KCNH1: variants seen among roughly 807,000 people sequenced by gnomAD.
KCNH1 encodes voltage-gated delayed rectifier potassium channel KCNH1.
KCNH1 carries 27 observed loss-of-function variants against 69.2 expected under a neutral mutation model. The ratio of observed to expected loss-of-function variants is 0.39; its 90% CI spans 0.29 to 0.54. The LOEUF (loss-of-function observed/expected upper bound fraction) is 0.54, where lower values mean the gene tolerates loss of function less well. Ranked by LOEUF, KCNH1 falls within the 20% of genes least tolerant of loss-of-function variation. KCNH1 has a pLI of 0.68. For synonymous variants in KCNH1, 456 were observed against 487.7 expected, an observed-to-expected ratio of 0.93 and a Z score of 0.86; for missense variants, 798 against 1,261.6, an observed-to-expected ratio of 0.63 and a Z score of 5.57.
chr1:210,974,532 A>G (rs964404425), intron 6 of KCNH1, among the ~76,000 whole-genome samples: 3 of 150,870 alleles, frequency 2.0e-5, no homozygotes, highest in Non-Finnish European at 4.4e-5. Context: ...ACTAGTCTCA[A>G]AGATAGAATT....
At chr1:211,030,724 AG>A (rs1200342353) in intron 5 of KCNH1, among the ~76,000 whole-genome samples, 3 of 152,190 alleles carry the variant, frequency 2.0e-5, no homozygotes, top group Non-Finnish European at 2.9e-5. Flanking sequence ...TGACACCAAA[AG>A]CATAATCCAT....
chr1:211,000,585 GC>G (rs1437001965), intron 6 of KCNH1, among the ~76,000 whole-genome samples: 5 of 152,246 alleles, frequency 3.3e-5, no homozygotes, highest in African/African-American at 1.2e-4. Context: ...TGGTCATACT[GC>G]CCAAGGTAAT....
intron 10 of KCNH1, among the ~76,000 whole-genome samples, chr1:210,703,562 A>G (rs1490202384): frequency 4.6e-5 from 7 of 152,202 alleles, no homozygotes; most frequent in Non-Finnish European, 8.8e-5. Flanking sequence ...CAAACACACA[A>G]CTAGTACACA....
At chr1:210,868,694 T>C (rs1041950575) in intron 7 of KCNH1, among the ~76,000 whole-genome samples, 1 of 152,072 alleles carries the variant, frequency 6.6e-6, no homozygotes, top group African/African-American at 2.4e-5. Context: ...TTCCCTTTTA[T>C]AGTCACACCC....
chr1:210,792,710 C>G (rs1180987503), intron 9 of KCNH1, among the ~76,000 whole-genome samples: 1 of 149,972 alleles, frequency 6.7e-6, no homozygotes, highest in Non-Finnish European at 1.5e-5. Flanking sequence ...ATCCACAAAA[C>G]AGGAAAACAC....
At chr1:210,996,634 T>C (rs1571562569) in intron 6 of KCNH1, among the ~76,000 whole-genome samples, 6 of 152,228 alleles carry the variant, frequency 3.9e-5, no homozygotes, top group Admixed American at 3.9e-4. Flanking sequence ...TTGAAGACAG[T>C]AGTGGTTCTC....
intron 4 of KCNH1, 115 bp downstream of exon 4, chr1:211,090,447 T>C (rs1691032502): frequency 1.1e-6 from 1 of 884,450 alleles, no homozygotes. Context: ...AAATTAAAGT[T>C]AGAATCTTGA....
At position 211,023,115 on chromosome 1, in the gene KCNH1, AAAAT is replaced by A. The variant is rs562804540; in HGVS notation, c.559-3863_559-3860del. On this transcript the variant is annotated intron_variant, in intron 5 of 10. Transcript: ENST00000271751. The stretch of plus-strand genomic sequence containing the variant: ...GACAGAGCTAGACTCTGTCTCAGAA[AAAAT>A]AAATAAATAAATAAATAAATAAATA... 4.1e-3 allele frequency among the ~76,000 whole-genome samples: 406 copies of A among 98,566 alleles called. 3 individuals carry two copies. Among genetic ancestry groups the A allele is most frequent in the Middle Eastern group, 0.035 (8 of 228 alleles). 64.7% of individuals were successfully genotyped at this position (98,566 alleles called of 152,430 possible).
rs908968297 is a variant in KCNH1 at position 211,133,850 on chromosome 1, C to T, written c.79+17G>A. On this transcript the variant is annotated intron_variant, in intron 1 of 10. Transcript: ENST00000271751. This position sits in a 1 kb window ranked among gnomAD's most constrained non-coding sequence, Gnocchi z 5.4. Reference sequence around the variant, plus strand: ...GATAAAACGCCCGGGTAATCGAAATCCGAATGCACCTCTTACCATTGGACC... The same window carrying T: ...GATAAAACGCCCGGGTAATCGAAATTCGAATGCACCTCTTACCATTGGACC... The T allele has an allele frequency of 3.1e-6, 5 of 1,603,486 alleles. No individual in the cohort carries two copies. In the African/African-American group the frequency reaches 6.8e-5, roughly 22 times the overall value.
intron 6 of KCNH1, among the ~76,000 whole-genome samples, chr1:210,991,285 A>C (rs1280791748): frequency 6.6e-6 from 1 of 152,210 alleles, no homozygotes; most frequent in Non-Finnish European, 1.5e-5. Context: ...TTTTTTAAGA[A>C]GAAAATCTTG....
At chr1:210,978,990 T>G (rs1688664245) in intron 6 of KCNH1, among the ~76,000 whole-genome samples, 1 of 152,358 alleles carries the variant, frequency 6.6e-6, no homozygotes, top group African/African-American at 2.4e-5. Flanking sequence ...CAGTCTTTAC[T>G]GCACCTCAGG....
At chr1:210,929,465 C>G (rs541289491) in intron 6 of KCNH1, among the ~76,000 whole-genome samples, 1 of 152,086 alleles carries the variant, frequency 6.6e-6, no homozygotes, top group Non-Finnish European at 1.5e-5. Flanking sequence ...AAGCATCTGA[C>G]AAAATTCAGC....
intron 5 of KCNH1, among the ~76,000 whole-genome samples, chr1:211,073,371 T>C (rs974007681): frequency 4.6e-5 from 7 of 152,182 alleles, no homozygotes; most frequent in Admixed American, 2.6e-4. Flanking sequence ...ATCAATCAAC[T>C]GGATATAATG....
chr1:210,866,040 G>A (rs1350365454), intron 7 of KCNH1, among the ~76,000 whole-genome samples: 1 of 152,170 alleles, frequency 6.6e-6, no homozygotes, highest in African/African-American at 2.4e-5. Context: ...TCAACAAATA[G>A]TGTTAAGACA....
intron 7 of KCNH1, among the ~76,000 whole-genome samples, chr1:210,819,569 C>T (rs906531673): frequency 1.3e-5 from 2 of 151,606 alleles, no homozygotes; most frequent in African/African-American, 4.9e-5. Flanking sequence ...GAAAATTAAG[C>T]TAAGCAGTGA....
intron 6 of KCNH1, among the ~76,000 whole-genome samples, chr1:210,961,947 C>T (rs762404249): frequency 6.6e-6 from 1 of 152,142 alleles, no homozygotes; most frequent in Non-Finnish European, 1.5e-5. Context: ...GAACTATTTA[C>T]AGCTCTGTGT....
At chr1:210,971,007 A>G (rs566083268) in intron 6 of KCNH1, among the ~76,000 whole-genome samples, 198 of 152,332 alleles carry the variant, frequency 1.3e-3, no homozygotes, top group Non-Finnish European at 2.2e-3. Flanking sequence ...ACTTCTCAAA[A>G]GAAGACATTT....
intron 5 of KCNH1, among the ~76,000 whole-genome samples, chr1:211,023,769 T>C (rs746778767): frequency 1.3e-5 from 2 of 152,156 alleles, no homozygotes; most frequent in Non-Finnish European, 2.9e-5. Context: ...CCTGATTTGA[T>C]TATATAAATT....
At chr1:211,112,474 A>G (rs1691490091) in intron 1 of KCNH1, among the ~76,000 whole-genome samples, 1 of 149,194 alleles carries the variant, frequency 6.7e-6, no homozygotes, top group Non-Finnish European at 1.5e-5. Flanking sequence ...CATTTTCGAC[A>G]TTAAAGTTTA....
Sources: gnomAD v4.1 joint callset for allele counts (sites outside exome capture counted in the v4.1 genomes callset) on GRCh38, gnomAD v4.1.1 for gene constraint, Gnocchi (gnomAD v3.1) non-coding constraint, MANE v1.5 for transcripts, NCBI Gene and HGNC (gene_info 2026-07-23, HGNC 2026-07-21) for gene names.